GALNT13: variants seen among roughly 807,000 people sequenced by gnomAD.
GALNT13 encodes the protein UDP-GalNAc:polypeptide N-acetylgalactosaminyltransferase 13.
Under a neutral mutation model 64.2 loss-of-function variants are expected in GALNT13, and 28 were observed. That is an observed-to-expected ratio of 0.44 (90% CI 0.32 to 0.60). The LOEUF (loss-of-function observed/expected upper bound fraction) is 0.60. Among genes scored for constraint, GALNT13 ranks in the 20% least tolerant of loss-of-function variants. GALNT13 has a pLI of 0.05. For missense variants in GALNT13, 577 were observed against 669.8 expected, an observed-to-expected ratio of 0.86 and a Z score of 1.53; for synonymous variants, 214 against 224.6, an observed-to-expected ratio of 0.95 and a Z score of 0.42.
chr2:153,225,712 TAAAA>T, the GALNT13 span, among the ~76,000 whole-genome samples: 2 of 151,928 alleles, frequency 1.3e-5, no homozygotes, highest in African/African-American at 4.8e-5. Context: ...AATTTAAAAA[TAAAA>T]AAATTAATAG....
At chr2:153,555,596 C>A in the GALNT13 span, among the ~76,000 whole-genome samples, 3 of 152,196 alleles carry the variant, frequency 2.0e-5, no homozygotes, top group Non-Finnish European at 4.4e-5. Context: ...TAATTTCATT[C>A]TCACTACTAT....
At chr2:153,455,055 A>T in the GALNT13 span, among the ~76,000 whole-genome samples, 1 of 152,222 alleles carries the variant, frequency 6.6e-6, no homozygotes, top group East Asian at 1.9e-4. Flanking sequence ...ATAACCTGAA[A>T]GTGAATAAGT....
chr2:153,388,437 G>A, the GALNT13 span, among the ~76,000 whole-genome samples: 6 of 152,070 alleles, frequency 3.9e-5, no homozygotes, highest in Admixed American at 1.3e-4. Context: ...AGGCATGCTG[G>A]CCTCACATGA....
the GALNT13 span, among the ~76,000 whole-genome samples, chr2:153,167,081 T>C: frequency 1.3e-5 from 2 of 152,202 alleles, no homozygotes; most frequent in Non-Finnish European, 2.9e-5. Flanking sequence ...AATAAATGTG[T>C]GTTGTTTTAA....
the GALNT13 span, among the ~76,000 whole-genome samples, chr2:153,074,913 T>C: frequency 6.6e-6 from 1 of 152,088 alleles, no homozygotes; most frequent in African/African-American, 2.4e-5. Context: ...TTAAACTTTT[T>C]ATAAAGACCA....
chr2:153,636,899 GAT>G, the GALNT13 span, among the ~76,000 whole-genome samples: 1 of 152,096 alleles, frequency 6.6e-6, no homozygotes, highest in Non-Finnish European at 1.5e-5. Flanking sequence ...AAGGTGACTT[GAT>G]ACATGTCTTT....
the GALNT13 span, among the ~76,000 whole-genome samples, chr2:153,183,936 A>C: frequency 0.14 from 21,589 of 151,998 alleles, 1,774 homozygotes; most frequent in Non-Finnish European, 0.18. Context: ...TTTGCTTTGG[A>C]TTATCTCAGC....
chr2:153,580,108 T>G, the GALNT13 span, among the ~76,000 whole-genome samples: 1 of 152,138 alleles, frequency 6.6e-6, no homozygotes, highest in South Asian at 2.1e-4. Flanking sequence ...ATACTCTAAT[T>G]TTTACTATTT....
the GALNT13 span, among the ~76,000 whole-genome samples, chr2:153,680,175 T>C: frequency 6.6e-6 from 1 of 151,832 alleles, no homozygotes; most frequent in Non-Finnish European, 1.5e-5. Context: ...GGGATGTGAA[T>C]GAAGAAGAGA....
intron 9 of GALNT13, among the ~76,000 whole-genome samples, chr2:154,316,692 C>T (rs909741857): frequency 1.3e-5 from 2 of 152,226 alleles, no homozygotes; most frequent in East Asian, 1.9e-4. Context: ...AGGGAATGCT[C>T]GTCAGCTCAG....
At chr2:153,162,401 A>C in the GALNT13 span, among the ~76,000 whole-genome samples, 2 of 152,204 alleles carry the variant, frequency 1.3e-5, no homozygotes, top group African/African-American at 4.8e-5. Context: ...CACTAGCATA[A>C]AGGGAGAGTT....
At chr2:153,538,441 G>A in the GALNT13 span, among the ~76,000 whole-genome samples, 2 of 118,530 alleles carry the variant, frequency 1.7e-5, no homozygotes, top group African/African-American at 3.4e-5. Context: ...TGCACATTGT[G>A]CAGGTTAGTT....
Position 153,933,540 on chromosome 2 carries a change from G to A in GALNT13, c.-104-10854G>A, listed in dbSNP as rs575166712. ...CAAATCTTCACTTTGTGCCTTTTAA[G>A]TGGGGTGTTTATCCTGTTAAGTGGG... On this transcript the variant is annotated intron_variant, in intron 2 of 12. Coordinates refer to ENST00000392825, the MANE Select transcript of GALNT13 (RefSeq NM_052917.4). Among the ~76,000 whole-genome samples, 7 of 152,194 alleles carry A rather than the reference G, an allele frequency of 4.6e-5. No homozygotes were observed. In the South Asian group the frequency reaches 1.0e-3, roughly 23 times the overall value.
chr2:153,921,172 C>T (rs1406588241), intron 2 of GALNT13, among the ~76,000 whole-genome samples: 1 of 152,018 alleles, frequency 6.6e-6, no homozygotes, highest in Non-Finnish European at 1.5e-5. Flanking sequence ...GACACATGGA[C>T]GTGTATATTC....
At chr2:153,486,755 G>C in the GALNT13 span, among the ~76,000 whole-genome samples, 1 of 152,158 alleles carries the variant, frequency 6.6e-6, no homozygotes, top group Non-Finnish European at 1.5e-5. Flanking sequence ...TTTTAGATGT[G>C]CAGCATAGAC....
At chr2:153,527,130 A>T in the GALNT13 span, among the ~76,000 whole-genome samples, 8 of 152,302 alleles carry the variant, frequency 5.3e-5, no homozygotes, top group Admixed American at 5.2e-4. Context: ...GTTTATTCAA[A>T]GGGATAACAA....
intron 4 of GALNT13, among the ~76,000 whole-genome samples, chr2:154,206,393 A>C (rs1201359229): frequency 6.6e-6 from 1 of 152,022 alleles, no homozygotes; most frequent in Non-Finnish European, 1.5e-5. Context: ...AGACAAATAC[A>C]CTTTTTTTTC....
At chr2:153,792,031 A>G in the GALNT13 span, among the ~76,000 whole-genome samples, 2 of 152,184 alleles carry the variant, frequency 1.3e-5, no homozygotes, top group African/African-American at 2.4e-5. Context: ...TTACCTATAT[A>G]ACAAACGTAC....
the GALNT13 span, among the ~76,000 whole-genome samples, chr2:153,138,652 G>T: frequency 6.6e-6 from 1 of 152,020 alleles, no homozygotes; most frequent in Non-Finnish European, 1.5e-5. Context: ...TATAAAAATA[G>T]TTAGCATCAT....
Sources: allele counts gnomAD v4.1 joint callset (sites outside exome capture counted in the v4.1 genomes callset), GRCh38; gene constraint gnomAD v4.1.1; transcripts MANE v1.5; gene names NCBI Gene and HGNC (gene_info 2026-07-23, HGNC 2026-07-21).